The following NCOA5 variants were observed in gnomAD, a reference collection of about 807,000 sequenced individuals.
The protein encoded by NCOA5 is nuclear receptor coactivator 5, also known as NCoA-5.
A neutral mutation model predicts 59.0 loss-of-function variants in NCOA5; 12 were observed. The observed-to-expected ratio is 0.20, with a 90% CI of 0.13 to 0.33. The LOEUF is 0.33. Among genes scored for constraint, NCOA5 ranks in the 10% least tolerant of loss-of-function variants. The pLI is 1.00. For synonymous variants in NCOA5, 270 were observed against 275.5 expected (o/e 0.98, Z 0.20); for missense variants, 655 against 766.6 (o/e 0.85, Z 1.72).
chr20:46,073,775 T>C (rs931150467), intron 2 of NCOA5, among the ~76,000 whole-genome samples: 2 of 152,212 alleles, frequency 1.3e-5, no homozygotes, highest in African/African-American at 2.4e-5. Flanking sequence ...TATGTTATGA[T>C]TGGTCCTCAT....
chr20:46,069,113 A>G (rs916662889), intron 3 of NCOA5, among the ~76,000 whole-genome samples: 17 of 152,076 alleles, frequency 1.1e-4, no homozygotes, highest in African/African-American at 4.1e-4. Context: ...CGCCTGGCCT[A>G]ACAATTTTTA....
chr20:46,078,907 T>G (rs1317341901), intron 2 of NCOA5, among the ~76,000 whole-genome samples: 3 of 152,162 alleles, frequency 2.0e-5, no homozygotes, highest in African/African-American at 7.2e-5. Context: ...AACCCAAGTA[T>G]GTAAGCAAAC....
At chr20:46,089,597 C>T (rs1193998232) in intron 1 of NCOA5, among the ~76,000 whole-genome samples, 2 of 152,246 alleles carry the variant, frequency 1.3e-5, no homozygotes, top group East Asian at 1.9e-4. Flanking sequence ...GAACCGTAGG[C>T]CGCCTCGGCC....
chr20:46,066,982 A>C, intron 5 of NCOA5, 73 bp downstream of exon 5: 34 of 1,524,818 alleles, frequency 2.2e-5, no homozygotes, highest in African/African-American at 4.1e-5. Context: ...TTCAGTGGAT[A>C]GAGGTGCTAA....
chr20:46,085,098 A>G (rs941262205), intron 1 of NCOA5, among the ~76,000 whole-genome samples: 1 of 152,160 alleles, frequency 6.6e-6, no homozygotes, highest in Non-Finnish European at 1.5e-5. Flanking sequence ...TGGCTCGATC[A>G]TAACTCACTG....
intron 1 of NCOA5, among the ~76,000 whole-genome samples, chr20:46,087,869 G>A (rs1029286380): frequency 1.7e-4 from 26 of 152,184 alleles, no homozygotes; most frequent in African/African-American, 6.0e-4. Context: ...TCTCAGAAAT[G>A]TGAAGAAAAT....
intron 6 of NCOA5, among the ~76,000 whole-genome samples, chr20:46,064,788 C>G (rs2084803412): frequency 6.6e-6 from 1 of 152,220 alleles, no homozygotes; most frequent in Non-Finnish European, 1.5e-5. Context: ...CTTGTTGTTA[C>G]ACGTGTGCCA....
intron 6 of NCOA5, among the ~76,000 whole-genome samples, chr20:46,064,816 C>G (rs1343705871): frequency 6.6e-6 from 1 of 152,184 alleles, no homozygotes; most frequent in Non-Finnish European, 1.5e-5. Flanking sequence ...ACTGTATATA[C>G]CTAGTGGCTA....
chr20:46,082,478 G>A (rs1423402267), intron 1 of NCOA5, among the ~76,000 whole-genome samples: 1 of 152,112 alleles, frequency 6.6e-6, no homozygotes, highest in Non-Finnish European at 1.5e-5. Context: ...TCCAAGGAGA[G>A]GTCTAATGTC....
intron 1 of NCOA5, among the ~76,000 whole-genome samples, chr20:46,086,759 C>G (rs756846104): frequency 6.6e-6 from 1 of 152,186 alleles, no homozygotes; most frequent in Non-Finnish European, 1.5e-5. Flanking sequence ...CCACAAGGTA[C>G]AGAGAGGAAA....
In NCOA5 at chr20:46,070,308, G is replaced by A. The variant is rs139757835; in HGVS notation, c.267C>T (p.Asp89=). 53 of 1,613,770 alleles carry A rather than the reference G, an allele frequency of 3.3e-5. No individual in the cohort carries two copies. In the African/African-American group the frequency reaches 6.3e-4, roughly 19 times the overall value. Residue 89 remains aspartate, a synonymous_variant, in exon 3 of 8, where the codon GAC becomes GAT. Transcript: ENST00000290231. ...CCCTAGAGTCTCTTAGATCACGAAA[G>A]TCTCTAAGATCCCTCACGTCCCGAA... ...RDVRDVRDLR[D]FRDLRDSRDF...
intron 1 of NCOA5, among the ~76,000 whole-genome samples, chr20:46,086,265 G>C (rs542308486): frequency 2.0e-5 from 3 of 152,338 alleles, no homozygotes; most frequent in African/African-American, 7.2e-5. Flanking sequence ...GCCTAAAGTT[G>C]TCTGGTCTTT....
At chr20:46,074,020 G>A (rs2084911022) in intron 2 of NCOA5, among the ~76,000 whole-genome samples, 1 of 152,160 alleles carries the variant, frequency 6.6e-6, no homozygotes, top group African/African-American at 2.4e-5. Flanking sequence ...AAGAACCAAA[G>A]GCATGGTGGA....
At chr20:46,079,299 G>T in intron 2 of NCOA5, 88 bp downstream of exon 2, 3 of 1,268,940 alleles carry the variant, frequency 2.4e-6, no homozygotes, top group Non-Finnish European at 3.5e-6. Flanking sequence ...TTGTTGGGGG[G>T]AAGAAAAGAC....
chr20:46,068,411 T>C, intron 4 of NCOA5, 91 bp downstream of exon 4: 8 of 1,397,574 alleles, frequency 5.7e-6, no homozygotes, highest in Non-Finnish European at 7.6e-6. Context: ...GCACTAGCCC[T>C]TTTTCAGATG....
intron 2 of NCOA5, among the ~76,000 whole-genome samples, chr20:46,078,127 T>A (rs553855102): frequency 8.1e-4 from 123 of 152,344 alleles, no homozygotes; most frequent in Non-Finnish European, 1.5e-3. Flanking sequence ...TGGATTCAAC[T>A]CTGCTGCACA....
chr20:46,077,665 G>C (rs774047900), intron 2 of NCOA5, among the ~76,000 whole-genome samples: 5 of 152,132 alleles, frequency 3.3e-5, no homozygotes, highest in Non-Finnish European at 7.4e-5. Flanking sequence ...CACACTCCTG[G>C]TAAGTCACCA....
intron 7 of NCOA5, 115 bp from the exon 8 acceptor site, chr20:46,063,004 C>CTTAT (rs2084784290): frequency 2.3e-6 from 2 of 874,316 alleles, no homozygotes; most frequent in African/African-American, 1.7e-5. Flanking sequence ...AGTACACAGA[C>CTTAT]GATAACATCA....
At chr20:46,084,759 G>GA (rs1341542800) in intron 1 of NCOA5, among the ~76,000 whole-genome samples, 2 of 152,048 alleles carry the variant, frequency 1.3e-5, no homozygotes, top group Non-Finnish European at 2.9e-5. Flanking sequence ...AATCAGCTGA[G>GA]AAAAAATGAT....
Sources: allele counts gnomAD v4.1 joint callset (sites outside exome capture counted in the v4.1 genomes callset), GRCh38; gene constraint gnomAD v4.1.1; transcripts MANE v1.5; gene names NCBI Gene and HGNC (gene_info 2026-07-23, HGNC 2026-07-21).